The following RFX7 variants were observed in gnomAD, a reference collection of about 807,000 sequenced individuals.
RFX7 encodes regulatory factor X7.
A neutral mutation model predicts 111.8 loss-of-function variants in RFX7; 26 were observed. The observed-to-expected ratio is 0.23, with a 90% confidence interval of 0.17 to 0.32. The LOEUF (loss-of-function observed/expected upper bound fraction) is 0.32. RFX7 is among the 10% of genes least tolerant of loss of function. RFX7 has a pLI of 1.00. For synonymous variants in RFX7, 624 were observed against 624.4 expected, an observed-to-expected ratio of 1.00 and a Z score of 0.01; for missense variants, 1,573 against 1,772.9, an observed-to-expected ratio of 0.89 and a Z score of 2.02.
At chr15:56,210,316 C>CA in intron 2 of RFX7, among the ~76,000 whole-genome samples, 1 of 151,966 alleles carries the variant, frequency 6.6e-6, no homozygotes, top group East Asian at 1.9e-4. Context: ...GTATGTAAGG[C>CA]AAAAACAGAG....
intron 2 of RFX7, among the ~76,000 whole-genome samples, chr15:56,198,644 G>C (rs138875464): frequency 4.2e-4 from 64 of 152,114 alleles, no homozygotes; most frequent in East Asian, 1.2e-3. Context: ...TTTTTAAAGG[G>C]ATCTACAGTT....
chr15:56,103,742 A>C, intron 5 of RFX7, 72 bp from the exon 6 acceptor site: 1 of 858,802 alleles, frequency 1.2e-6, no homozygotes, highest in Non-Finnish European at 1.8e-6. Flanking sequence ...ATTTCAATAC[A>C]ATTTGATCCT....
At chr15:56,221,945 G>A (rs2141216589) in intron 2 of RFX7, among the ~76,000 whole-genome samples, 1 of 152,224 alleles carries the variant, frequency 6.6e-6, no homozygotes, top group Non-Finnish European at 1.5e-5. Flanking sequence ...TTCTCCTACA[G>A]AGAGATCAAT....
chr15:56,098,075 T>A lies in RFX7; in HGVS notation c.1107+6A>T, dbSNP rs2041705283. Reference sequence around the variant, plus strand: ...AATAAGGCCAAATACTATTTAATTATATTACCGGAATGGGACTAGGGACAG... The same window carrying A: ...AATAAGGCCAAATACTATTTAATTAAATTACCGGAATGGGACTAGGGACAG... On this transcript the variant is annotated splice_donor_region_variant and intron_variant, in intron 9 of 9. Coordinates refer to ENST00000559447, the MANE Select transcript of RFX7 (RefSeq NM_022841.7). The A allele has an allele frequency of 6.2e-7, 1 of 1,611,260 alleles. No homozygotes were observed. Among genetic ancestry groups the A allele is most frequent in the African/African-American group, 1.3e-5 (1 of 74,780 alleles).
intron 3 of RFX7, among the ~76,000 whole-genome samples, chr15:56,155,614 G>T (rs1425088677): frequency 6.6e-6 from 1 of 151,952 alleles, no homozygotes; most frequent in East Asian, 1.9e-4. Flanking sequence ...GGGCCCGTCG[G>T]CGGGTGTGGG....
In RFX7 at chr15:56,089,482, G is replaced by C. The variant is rs1174533770; in HGVS notation, c.*3863C>G. On this transcript the variant is annotated 3_prime_UTR_variant, in exon 10 of 10. Coordinates refer to ENST00000559447, the MANE Select transcript of RFX7 (RefSeq NM_022841.7). ...GTAAGTGTCCTTATGGTTTAAGCCAGTGTTGGGTTTTCAATTACTTGAAAC... is the reference window on the plus strand; with the variant it reads ...GTAAGTGTCCTTATGGTTTAAGCCACTGTTGGGTTTTCAATTACTTGAAAC... 1 of 152,210 alleles carries C rather than the reference G, an allele frequency of 6.6e-6. No homozygotes were observed. The highest frequency in any genetic ancestry group is 6.6e-5 in the Admixed American group (1 of 15,252). 9.4% of individuals were successfully genotyped at this position (152,210 alleles called of 1,614,324 possible). A position where few individuals can be genotyped will look rare whatever the true frequency, so the allele number is the denominator to read the frequency against.
chr15:56,168,364 C>T lies in RFX7; in HGVS notation c.195+10906G>A, dbSNP rs572097000. Among the ~76,000 whole-genome samples, 8 of 152,244 alleles carry T rather than the reference C, an allele frequency of 5.3e-5. No homozygotes were observed. In the South Asian group the frequency reaches 6.2e-4, roughly 12 times the overall value. On this transcript the variant is annotated intron_variant, in intron 3 of 9. Transcript: ENST00000559447. ...TTTGATAATCACTGTTTGTAAATAACGATCCAGTAAATATTTACTGAGTGT... is the reference window on the plus strand; with the variant it reads ...TTTGATAATCACTGTTTGTAAATAATGATCCAGTAAATATTTACTGAGTGT...
rs2043396051 is a variant in RFX7 at position 56,218,937 on chromosome 15, GAATA to G, written c.161+24184_161+24187del. ...GAGAATAAATGTATATTACAACAGT[GAATA>G]AACAAATGGAAATGAGTGAAGGAAT... On this transcript the variant is annotated intron_variant, in intron 2 of 9. Coordinates refer to ENST00000559447, the MANE Select transcript of RFX7 (RefSeq NM_022841.7). Among the ~76,000 whole-genome samples, 4 of 152,178 alleles carry G rather than the reference GAATA, an allele frequency of 2.6e-5. No homozygotes were observed. In the South Asian group the frequency reaches 8.3e-4, roughly 32 times the overall value.
At chr15:56,234,289 T>A (rs1421390773) in intron 2 of RFX7, among the ~76,000 whole-genome samples, 2 of 152,244 alleles carry the variant, frequency 1.3e-5, no homozygotes, top group African/African-American at 2.4e-5. Context: ...TATACTTTTT[T>A]AACCTTTTTA....
chr15:56,199,820 A>G (rs1296254627), intron 2 of RFX7, among the ~76,000 whole-genome samples: 1 of 152,174 alleles, frequency 6.6e-6, no homozygotes, highest in East Asian at 1.9e-4. Flanking sequence ...CAACATTTAC[A>G]TAAAAAGCCA....
intron 2 of RFX7, among the ~76,000 whole-genome samples, chr15:56,190,066 G>C (rs759502006): frequency 6.6e-5 from 10 of 152,086 alleles, no homozygotes; most frequent in Non-Finnish European, 1.5e-4. Flanking sequence ...ATATTATACT[G>C]AGCCATATAA....
intron 2 of RFX7, 91 bp from the exon 3 acceptor site, chr15:56,179,394 T>G (rs1251071676): frequency 2.1e-6 from 1 of 465,586 alleles, no homozygotes; most frequent in Non-Finnish European, 3.5e-6. Flanking sequence ...TAGTCTTCCT[T>G]ACTAAGAAAA....
chr15:56,142,717 G>A lies in RFX7; in HGVS notation c.401+61C>T, dbSNP rs868741823. On this transcript the variant is annotated intron_variant, in intron 5 of 9. Coordinates refer to ENST00000559447, the MANE Select transcript of RFX7 (RefSeq NM_022841.7). Reference sequence around the variant, plus strand: ...ACCAATAATAAAACAAATCACTATGGCCAAGTATAGTATTTTACCTCTTTA... The same window carrying A: ...ACCAATAATAAAACAAATCACTATGACCAAGTATAGTATTTTACCTCTTTA... The A allele has an allele frequency of 4.6e-5, 67 of 1,456,046 alleles. No homozygotes were observed. In the South Asian group the frequency reaches 8.0e-4, roughly 17 times the overall value. The allele number at this position is 1,456,046 out of a possible 1,614,324, so 90.2% of individuals were successfully genotyped here.
In RFX7 at chr15:56,087,821, G is replaced by C. The variant is rs1300911619; in HGVS notation, c.*5524C>G. The C allele has an allele frequency of 3.4e-6, 1 of 293,738 alleles. No homozygotes were observed. The highest frequency in any genetic ancestry group is 6.7e-6 in the Non-Finnish European group (1 of 148,434). 18.2% of individuals were successfully genotyped at this position (293,738 alleles called of 1,614,324 possible). On this transcript the variant is annotated 3_prime_UTR_variant, in exon 10 of 10. Transcript: ENST00000559447. Reference sequence around the variant, plus strand: ...TTGTACAGAGACTGACATATTTTAGGCACTTTATCATCTGTTAAAAAAAAA... The same window carrying C: ...TTGTACAGAGACTGACATATTTTAGCCACTTTATCATCTGTTAAAAAAAAA...
intron 3 of RFX7, among the ~76,000 whole-genome samples, chr15:56,162,895 C>G (rs1353305186): frequency 6.6e-6 from 1 of 152,058 alleles, no homozygotes; most frequent in Non-Finnish European, 1.5e-5. Flanking sequence ...GTGCCTATTT[C>G]TTCTCCACTA....
At chr15:56,208,615 A>C (rs1187447345) in intron 2 of RFX7, among the ~76,000 whole-genome samples, 1 of 152,204 alleles carries the variant, frequency 6.6e-6, no homozygotes, top group Non-Finnish European at 1.5e-5. Context: ...TCAGACCAGG[A>C]ATTTAAAATG....
At chr15:56,110,738 C>G (rs1392591473) in intron 5 of RFX7, among the ~76,000 whole-genome samples, 1 of 2,754 alleles carries the variant, frequency 3.6e-4, no homozygotes, top group African/African-American at 3.8e-4. Context: ...CAGCCCCCCG[C>G]CCGGCCAGCC....
At chr15:56,138,890 G>A (rs1438363812) in intron 5 of RFX7, among the ~76,000 whole-genome samples, 62 of 152,194 alleles carry the variant, frequency 4.1e-4, no homozygotes, top group African/African-American at 1.4e-3. Context: ...GGTTTGGCTG[G>A]ATATGAAATT....
chr15:56,110,391 C>T (rs868425214), intron 5 of RFX7, among the ~76,000 whole-genome samples: 361 of 99,048 alleles, frequency 3.6e-3, no homozygotes, highest in East Asian at 0.011. Context: ...GCCCCCCGCC[C>T]GGCCAGCCGC....
Sources: allele counts gnomAD v4.1 joint callset (sites outside exome capture counted in the v4.1 genomes callset), GRCh38; gene constraint gnomAD v4.1.1; transcripts MANE v1.5; gene names NCBI Gene and HGNC (gene_info 2026-07-23, HGNC 2026-07-21).